Variants in RIT2 observed in about 807,000 individuals in gnomAD.
The protein encoded by RIT2 is Ras like without CAAX 2, also known as GTP-binding protein Rit2.
Under a neutral mutation model 23.7 loss-of-function variants are expected in RIT2, and 24 were observed. That is an observed-to-expected ratio of 1.01 (90% confidence interval 0.73 to 1.43). The LOEUF (loss-of-function observed/expected upper bound fraction) is 1.43, where lower values mean the gene tolerates loss of function less well. Among genes scored for constraint, RIT2 ranks in the 40% most tolerant of loss-of-function variants. The pLI is 0.00. For synonymous variants in RIT2, 107 were observed against 91.1 expected, an observed-to-expected ratio of 1.17 and a Z score of -0.99; for missense variants, 236 against 266.9, an observed-to-expected ratio of 0.88 and a Z score of 0.81.
At chr18:43,090,184 CA>C (rs1256268645) in intron 1 of RIT2, among the ~76,000 whole-genome samples, 17 of 151,458 alleles carry the variant, frequency 1.1e-4, no homozygotes, top group Admixed American at 2.6e-4. Context: ...TTACAAGAAA[CA>C]AAAAAACATT....
intron 4 of RIT2, among the ~76,000 whole-genome samples, chr18:42,907,261 G>C (rs966927710): frequency 2.6e-4 from 39 of 152,052 alleles, no homozygotes; most frequent in African/African-American, 8.9e-4. Context: ...ACAAGAAAAG[G>C]GCACACCAAT....
intron 1 of RIT2, among the ~76,000 whole-genome samples, chr18:43,044,328 TCTC>T (rs1912198323): frequency 2.0e-5 from 3 of 152,160 alleles, no homozygotes; most frequent in African/African-American, 4.8e-5. Flanking sequence ...TGAAAGAAGT[TCTC>T]CTCTGTTTTC....
chr18:42,884,441 C>A (rs1358038768), intron 4 of RIT2, among the ~76,000 whole-genome samples: 3 of 152,168 alleles, frequency 2.0e-5, no homozygotes, highest in African/African-American at 7.2e-5. Flanking sequence ...ATCTTAAGAT[C>A]TTTCATGATG....
chr18:42,921,447 C>T (rs755121651), intron 4 of RIT2, among the ~76,000 whole-genome samples: 2 of 152,008 alleles, frequency 1.3e-5, no homozygotes, highest in Non-Finnish European at 2.9e-5. Flanking sequence ...ATTTGTAATG[C>T]TTGCAATTCA....
intron 4 of RIT2, among the ~76,000 whole-genome samples, chr18:42,913,770 C>A (rs919837774): frequency 6.6e-6 from 1 of 151,890 alleles, no homozygotes; most frequent in Admixed American, 6.6e-5. Flanking sequence ...GTAACAAGGA[C>A]AAGTGATCTA....
chr18:42,943,839 C>T (rs953215900), intron 3 of RIT2, among the ~76,000 whole-genome samples: 4 of 152,072 alleles, frequency 2.6e-5, no homozygotes, highest in Admixed American at 2.6e-4. Context: ...ATGGAGTTAT[C>T]CTTCTCTTTT....
intron 4 of RIT2, among the ~76,000 whole-genome samples, chr18:42,821,598 C>T (rs1906151485): frequency 6.6e-6 from 1 of 151,926 alleles, no homozygotes; most frequent in Admixed American, 6.6e-5. Flanking sequence ...GGCACGGAGC[C>T]GTAGACATCC....
intron 4 of RIT2, among the ~76,000 whole-genome samples, chr18:42,800,593 C>A (rs1905506959): frequency 6.6e-6 from 1 of 150,478 alleles, no homozygotes. Flanking sequence ...TGGAGTGGCG[C>A]CATCTGGCTC....
At chr18:42,786,851 C>T (rs1221746231) in intron 4 of RIT2, among the ~76,000 whole-genome samples, 2 of 152,044 alleles carry the variant, frequency 1.3e-5, no homozygotes, top group African/African-American at 4.8e-5. Context: ...AGAACTTCCC[C>T]GTGATCCTAT....
intron 4 of RIT2, among the ~76,000 whole-genome samples, chr18:42,810,429 A>G (rs1489052711): frequency 6.6e-6 from 1 of 151,944 alleles, no homozygotes; most frequent in Non-Finnish European, 1.5e-5. Context: ...GAAAAAACTT[A>G]TTAAAGTAAC....
intron 4 of RIT2, among the ~76,000 whole-genome samples, chr18:42,890,942 T>C (rs938863345): frequency 3.9e-5 from 6 of 152,174 alleles, no homozygotes; most frequent in African/African-American, 1.4e-4. Flanking sequence ...GAAATTTATA[T>C]TTACCAGAAG....
intron 4 of RIT2, among the ~76,000 whole-genome samples, chr18:42,874,395 T>A (rs1442736138): frequency 6.6e-6 from 1 of 152,136 alleles, no homozygotes; most frequent in Non-Finnish European, 1.5e-5. Context: ...TTGTTGAGGA[T>A]CCATGTTTCA....
chr18:43,044,807 T>A (rs1435832568), intron 1 of RIT2, among the ~76,000 whole-genome samples: 1 of 152,144 alleles, frequency 6.6e-6, no homozygotes, highest in Non-Finnish European at 1.5e-5. Context: ...TTTCCCTGAG[T>A]GTTTTTCCTT....
At chr18:43,059,902 A>G (rs1912603565) in intron 1 of RIT2, among the ~76,000 whole-genome samples, 1 of 152,100 alleles carries the variant, frequency 6.6e-6, no homozygotes, top group Non-Finnish European at 1.5e-5. Flanking sequence ...GATGTCCTAG[A>G]GTGGGTCCAG....
At chr18:42,964,296 A>T (rs1430480272) in intron 3 of RIT2, among the ~76,000 whole-genome samples, 1 of 152,036 alleles carries the variant, frequency 6.6e-6, no homozygotes, top group Non-Finnish European at 1.5e-5. Flanking sequence ...TAAACTGGGA[A>T]CTGGGTCAGG....
rs1912399741 is a variant in RIT2, at chr18:43,052,199, CTTATA to C, written c.104-18337_104-18333del. ...TGTCAACCTTTAATTATGGAATTAA[CTTATA>C]TTATGTATGTAACTTAAAAAGCTAA... On this transcript the variant is annotated intron_variant, in intron 1 of 4. Transcript: ENST00000326695. 2.6e-5 allele frequency among the ~76,000 whole-genome samples: 4 copies of C among 152,154 alleles called. No individual in the cohort carries two copies. The East Asian group carries it at 7.7e-4, about 29-fold the overall frequency.
intron 2 of RIT2, among the ~76,000 whole-genome samples, chr18:43,022,296 G>A (rs572980638): frequency 3.3e-5 from 5 of 152,222 alleles, no homozygotes; most frequent in African/African-American, 1.2e-4. Context: ...ATGCTAGGAA[G>A]GGTGTGAGTG....
chr18:43,058,290 G>A (rs1338728069), intron 1 of RIT2, among the ~76,000 whole-genome samples: 1 of 152,060 alleles, frequency 6.6e-6, no homozygotes, highest in Admixed American at 6.6e-5. Flanking sequence ...TAAGTGACTA[G>A]CATGAGAAGC....
intron 1 of RIT2, among the ~76,000 whole-genome samples, chr18:43,094,779 C>T (rs1913510792): frequency 6.6e-6 from 1 of 152,022 alleles, no homozygotes; most frequent in Non-Finnish European, 1.5e-5. Context: ...TCTCATTGTT[C>T]AATTCCCACC....
Sources: gnomAD v4.1 joint callset for allele counts (sites outside exome capture counted in the v4.1 genomes callset) on GRCh38, gnomAD v4.1.1 for gene constraint, MANE v1.5 for transcripts, NCBI Gene and HGNC (gene_info 2026-07-23, HGNC 2026-07-21) for gene names.